DNAH2: variants seen among roughly 807,000 people sequenced by gnomAD.
The protein encoded by DNAH2 is axonemal beta dynein heavy chain 2.
Under a neutral mutation model 523.5 loss-of-function variants are expected in DNAH2, and 323 were observed. That is an observed-to-expected ratio of 0.62 (90% CI 0.56 to 0.68). The LOEUF is 0.68. Ranked by LOEUF, DNAH2 falls within the 30% of genes least tolerant of loss-of-function variation. The pLI is 0.00. For missense variants in DNAH2, 4,907 were observed against 5,701.5 expected (o/e 0.86, Z 4.49); for synonymous variants, 2,093 against 2,177.4 (o/e 0.96, Z 1.08).
Position 7,828,495 on chromosome 17 carries a change from A to G in DNAH2, c.11854-1805A>G, listed in dbSNP as rs139863640. Among the ~76,000 whole-genome samples the G allele has an allele frequency of 9.9e-3, 1,508 of 152,270 alleles. 14 individuals carry two copies. The highest frequency in any genetic ancestry group is 0.02 in the Middle Eastern group (6 of 294). ...CAGAGAGGGTCTTGCTCTATAGCCC[A>G]GGTGGAGTGCAGTGGTACAATCATA... is the stretch of plus-strand genomic sequence containing the variant. On this transcript the variant is annotated intron_variant, in intron 77 of 85. Transcript: ENST00000572933. This position sits in a 1 kb window ranked among gnomAD's most constrained non-coding sequence, Gnocchi z 4.1.
intron 28 of DNAH2, among the ~76,000 whole-genome samples, chr17:7,773,914 G>C (rs903664211): frequency 2.0e-5 from 3 of 152,022 alleles, no homozygotes. Flanking sequence ...ATTTTTAGTA[G>C]AGATGGGATT....
At chr17:7,747,500 C>T (rs1412111970) in intron 12 of DNAH2, among the ~76,000 whole-genome samples, 1 of 152,148 alleles carries the variant, frequency 6.6e-6, no homozygotes, top group Non-Finnish European at 1.5e-5. Context: ...ACTTTGTTCC[C>T]TTCCCTCTGC....
At position 7,812,875 on chromosome 17, in the gene DNAH2, G is replaced by A. The variant is rs544091022; in HGVS notation, c.9730-3696G>A. ...GGAGAATCACTTGAACCCGGGAGGC[G>A]GGGTTTGCAGTGAGCTGAGAAGCTG... On this transcript the variant is annotated intron_variant, in intron 63 of 85. Coordinates refer to ENST00000572933, the MANE Select transcript of DNAH2 (RefSeq NM_020877.5). Among the ~76,000 whole-genome samples the A allele has an allele frequency of 4.8e-4, 73 of 151,764 alleles. No homozygotes were observed. The Middle Eastern group carries it at 0.014, about 28-fold the overall frequency.
At position 7,743,063 on chromosome 17, in the gene DNAH2, G is replaced by A; in HGVS notation, c.1825G>A (p.Asp609Asn). The A allele has an allele frequency of 6.5e-7, 1 of 1,536,662 alleles. No individual in the cohort carries two copies. ...AGAGTGGACATCAAGTCTGGACAAG[G>A]ATTGCATTCGGCGGTTGGATACCCC... ...FQEWTSSLDK[D>N]CIRRLDTPLL... The change falls in exon 12 of 86, where the codon GAT becomes AAT. Residue 609 changes from aspartate (D) to asparagine (N), a missense_variant. Coordinates refer to ENST00000572933, the MANE Select transcript of DNAH2 (RefSeq NM_020877.5).
chr17:7,827,858 A>G (rs2078063619), intron 77 of DNAH2, among the ~76,000 whole-genome samples: 1 of 152,056 alleles, frequency 6.6e-6, no homozygotes, highest in Non-Finnish European at 1.5e-5. Flanking sequence ...GTTTCCATAT[A>G]TGTATGGGTT....
chr17:7,799,330 A>G, intron 56 of DNAH2, 88 bp downstream of exon 56: 1 of 1,543,488 alleles, frequency 6.5e-7, no homozygotes, highest in Non-Finnish European at 8.8e-7. Flanking sequence ...AATTAGTGTC[A>G]GGAATAACAG....
At chr17:7,799,061 A>T (rs761406557) in intron 55 of DNAH2, 42 bp from the exon 56 acceptor site, 1 of 1,608,814 alleles carries the variant, frequency 6.2e-7, no homozygotes, top group Non-Finnish European at 8.5e-7. Flanking sequence ...TGATTCTGCT[A>T]TGGACACGCC....
chr17:7,786,202 T>C lies in DNAH2; in HGVS notation c.6208T>C (p.Leu2070=), dbSNP rs201187722. 8 of 1,613,932 alleles carry C rather than the reference T, an allele frequency of 5.0e-6. No individual in the cohort carries two copies. The highest frequency in any genetic ancestry group is 2.7e-5 in the African/African-American group (2 of 74,972). Residue 2070 remains leucine, a synonymous_variant, in exon 40 of 86, where the codon TTG becomes CTG. Coordinates refer to ENST00000572933, the MANE Select transcript of DNAH2 (RefSeq NM_020877.5). The surrounding 1 kb of genome is among the most constrained non-coding windows in gnomAD (Gnocchi z 7.5). ...TPFTLTKVFQ[L]YETKNSRHST... ...GTTCACCCTCACCAAGGTTTTCCAG[T>C]TGTATGAAACCAAGAACTCCCGCCA... is the stretch of plus-strand genomic sequence containing the variant.
chr17:7,809,218 CA>C (rs1415592852), intron 63 of DNAH2, among the ~76,000 whole-genome samples: 2 of 152,226 alleles, frequency 1.3e-5, no homozygotes, highest in African/African-American at 4.8e-5. Flanking sequence ...TCGACCTCCA[CA>C]GATCAGATGA....
rs543031529 is a variant in DNAH2, at chr17:7,747,446, T to C, written c.1904+4304T>C. Among the ~76,000 whole-genome samples, 3 of 152,292 alleles carry C rather than the reference T, an allele frequency of 2.0e-5. No individual in the cohort carries two copies. In the South Asian group the frequency reaches 6.2e-4, roughly 32 times the overall value. Reference sequence around the variant, plus strand: ...TATAAATTGTACAGTTTCTGTAAGGTTCTTGACTATTCCGTGCTGGTGGAT... The same window carrying C: ...TATAAATTGTACAGTTTCTGTAAGGCTCTTGACTATTCCGTGCTGGTGGAT... On this transcript the variant is annotated intron_variant, in intron 12 of 85. Coordinates refer to ENST00000572933, the MANE Select transcript of DNAH2 (RefSeq NM_020877.5).
chr17:7,780,104 G>A lies in DNAH2; in HGVS notation c.5723-53G>A. On this transcript the variant is annotated intron_variant, in intron 36 of 85. Coordinates refer to ENST00000572933, the MANE Select transcript of DNAH2 (RefSeq NM_020877.5). The surrounding 1 kb of genome is among the most constrained non-coding windows in gnomAD (Gnocchi z 4.4). The stretch of plus-strand genomic sequence containing the variant: ...CTGATTGGAAAGTGGGTTTGGGGAA[G>A]CAAATCAAGATGAGGAAATATATGA... The A allele has an allele frequency of 1.3e-6, 2 of 1,575,658 alleles. No individual in the cohort carries two copies. Among genetic ancestry groups the A allele is most frequent in the Non-Finnish European group, 1.7e-6 (2 of 1,159,764 alleles).
At chr17:7,829,071 G>A (rs1433001103) in intron 77 of DNAH2, among the ~76,000 whole-genome samples, 2 of 151,850 alleles carry the variant, frequency 1.3e-5, no homozygotes, top group Non-Finnish European at 2.9e-5. Flanking sequence ...TGTCACCCAG[G>A]CTAGAGTGCA....
In DNAH2 at chr17:7,782,480, C is replaced by A. The variant is rs562370910; in HGVS notation, c.6129+1313C>A. On this transcript the variant is annotated intron_variant, in intron 39 of 85. Coordinates refer to ENST00000572933, the MANE Select transcript of DNAH2 (RefSeq NM_020877.5). ...AGTGCCCCCAGGTGACTGGAAGAAG[C>A]AAAAGCAAATTATTTCTGGAGGAAT... Among the ~76,000 whole-genome samples, 3 of 152,192 alleles carry A rather than the reference C, an allele frequency of 2.0e-5. No individual in the cohort carries two copies. The South Asian group carries it at 6.2e-4, about 32-fold the overall frequency.
At chr17:7,817,163 G>A in intron 64 of DNAH2, 127 bp from the exon 65 acceptor site, 1 of 1,326,326 alleles carries the variant, frequency 7.5e-7, no homozygotes, top group Non-Finnish European at 1.0e-6. Flanking sequence ...AGGACACACA[G>A]GTTTAGGGGA....
At chr17:7,741,274 C>G (rs186996572) in intron 11 of DNAH2, among the ~76,000 whole-genome samples, 13 of 53,312 alleles carry the variant, frequency 2.4e-4, no homozygotes, top group African/African-American at 4.2e-4. Flanking sequence ...TTCTTTCTTT[C>G]TTTCTTTCTT....
At position 7,776,066 on chromosome 17, in the gene DNAH2, C is replaced by T. The variant is rs371755053; in HGVS notation, c.4864C>T (p.Arg1622Trp). 19 of 1,613,916 alleles carry T rather than the reference C, an allele frequency of 1.2e-5. No individual in the cohort carries two copies. Among genetic ancestry groups the T allele is most frequent in the East Asian group, 6.7e-5 (3 of 44,886 alleles). The part of the protein sequence containing the change: ...DVEQTMRVTL[R>W]DLLRNCHLAL... ...GGAACAGACCATGAGGGTGACCCTG[C>T]GGGACCTTCTCCGGAACTGCCACCT... Residue 1622 changes from arginine (R) to tryptophan (W), a missense_variant, in exon 31 of 86, where the codon CGG becomes TGG. Around this residue, in one of 3 missense-constraint regions of DNAH2, gnomAD observed 2,806 missense variants for 3,190.8 expected, o/e 0.88. Transcript: ENST00000572933.
intron 75 of DNAH2, 62 bp from the exon 76 acceptor site, chr17:7,824,059 T>C: frequency 1.3e-6 from 2 of 1,577,162 alleles, no homozygotes; most frequent in Non-Finnish European, 1.7e-6. Flanking sequence ...GTCTCCTTCA[T>C]CTCTCTCTCC....
Position 7,758,547 on chromosome 17 carries a change from C to T in DNAH2, c.2104C>T (p.Arg702Trp), listed in dbSNP as rs140826418. 3.0e-5 allele frequency: 48 copies of T among 1,614,074 alleles called. No homozygotes were observed. Among genetic ancestry groups the T allele is most frequent in the African/African-American group, 1.6e-4 (12 of 75,010 alleles). ...GCAGGCCCTATTCAAAGAGCGTATT[C>T]GGCTCCTGGATAAGAAGATCCACCC... ...DEQALFKERIRLLDKKIHPGL... is the reference protein window; with the variant it reads ...DEQALFKERIWLLDKKIHPGL... The change falls in exon 14 of 86, where the codon CGG (arginine) becomes TGG (tryptophan). Residue 702 changes from arginine to tryptophan, a missense_variant. This residue lies in a region of DNAH2 where 2,806 missense variants were observed against 3,190.8 expected (regional missense o/e 0.88). Coordinates refer to ENST00000572933, the MANE Select transcript of DNAH2 (RefSeq NM_020877.5).
In DNAH2 at chr17:7,833,372, C is replaced by T. The variant is rs1436864693; in HGVS notation, c.13130-7C>T. The stretch of plus-strand genomic sequence containing the variant: ...AGGGGTCTGACTTCTCCTCTCCTTT[C>T]CCCCAGGCATGTACTCCTGCCCCTG... On this transcript the variant is annotated splice_region_variant and splice_polypyrimidine_tract_variant and intron_variant, in intron 85 of 85. Transcript: ENST00000572933. The T allele has an allele frequency of 1.2e-6, 2 of 1,613,688 alleles. No homozygotes were observed. The highest frequency in any genetic ancestry group is 1.7e-5 in the Admixed American group (1 of 60,024).
Sources: gnomAD v4.1 joint callset for allele counts (sites outside exome capture counted in the v4.1 genomes callset) on GRCh38, gnomAD v4.1.1 for gene constraint, gnomAD v4.1.1 regional missense constraint, Gnocchi (gnomAD v3.1) non-coding constraint, MANE v1.5 for transcripts, NCBI Gene and HGNC (gene_info 2026-07-23, HGNC 2026-07-21) for gene names.